Variants in UNC79 observed in about 807,000 individuals in gnomAD.
The protein encoded by UNC79 is protein unc-79 homolog.
A neutral mutation model predicts 283.1 loss-of-function variants in UNC79; 37 were observed. The observed-to-expected ratio is 0.13, with a 90% CI of 0.10 to 0.17. The LOEUF (loss-of-function observed/expected upper bound fraction) is 0.17, where lower values mean the gene tolerates loss of function less well. UNC79 is among the 10% of genes least tolerant of loss of function. The pLI, the probability that UNC79 is intolerant of heterozygous loss-of-function variation, is 1.00. For missense variants in UNC79, 2,272 were observed against 3,211.1 expected, an observed-to-expected ratio of 0.71 and a Z score of 7.07; for synonymous variants, 1,107 against 1,200.2, an observed-to-expected ratio of 0.92 and a Z score of 1.61.
At chr14:93,540,637 G>C in intron 12 of UNC79, 23 bp from the exon 13 acceptor site, 1 of 1,606,652 alleles carries the variant, frequency 6.2e-7, no homozygotes, top group Non-Finnish European at 8.5e-7. Context: ...AGTCTAACTT[G>C]AAATCACACT....
chr14:93,683,351 A>G (rs1340651556), intron 42 of UNC79, among the ~76,000 whole-genome samples: 1 of 152,196 alleles, frequency 6.6e-6, no homozygotes, highest in African/African-American at 2.4e-5. Flanking sequence ...GGTTGGGGAA[A>G]GGGAAGAGAA....
intron 22 of UNC79, among the ~76,000 whole-genome samples, chr14:93,592,687 A>G (rs1435305889): frequency 1.3e-5 from 2 of 152,222 alleles, no homozygotes; most frequent in Non-Finnish European, 2.9e-5. Flanking sequence ...AGAAAACAAA[A>G]CAAAACAAAA....
At chr14:93,605,253 T>G (rs938013949) in intron 26 of UNC79, among the ~76,000 whole-genome samples, 2 of 152,256 alleles carry the variant, frequency 1.3e-5, no homozygotes, top group Non-Finnish European at 2.9e-5. Flanking sequence ...ATCCATAGTA[T>G]TTATATTTGT....
intron 1 of UNC79, among the ~76,000 whole-genome samples, chr14:93,355,345 C>G (rs59458879): frequency 6.6e-6 from 1 of 152,180 alleles, no homozygotes; most frequent in African/African-American, 2.4e-5. Context: ...ATTATAGGTG[C>G]CTGCCACCAT....
At chr14:93,552,417 A>T (rs2061946444) in intron 14 of UNC79, among the ~76,000 whole-genome samples, 1 of 152,208 alleles carries the variant, frequency 6.6e-6, no homozygotes, top group Admixed American at 6.5e-5. Context: ...GCCTTAGGAA[A>T]AAGGTAGTAG....
At chr14:93,533,192 G>T (rs1375247007) in intron 11 of UNC79, among the ~76,000 whole-genome samples, 2 of 152,158 alleles carry the variant, frequency 1.3e-5, no homozygotes, top group African/African-American at 4.8e-5. Flanking sequence ...AGTTGGTTGA[G>T]ATTCTTGGAC....
rs2068577829 is a variant in UNC79, at chr14:93,637,162, T to C, written c.5717-54T>C. ...ATGATTGGTTAAATTCTTTGTGTTC[T>C]AAATGGTGCTAAGATGACCACATCA... On this transcript the variant is annotated intron_variant, in intron 31 of 48. Coordinates refer to ENST00000555664, the Ensembl canonical transcript of UNC79. The C allele has an allele frequency of 4.5e-6, 4 of 894,434 alleles. No homozygotes were observed. In the Admixed American group the frequency reaches 6.8e-5, roughly 15 times the overall value. The allele number at this position is 894,434 out of a possible 1,614,324, so 55.4% of individuals were successfully genotyped here.
rs2073070276 is a variant in UNC79, at chr14:93,673,540, G to A, written c.6741+85G>A. ...AAGGGAGGTGTAGAGTGTATGCATA[G>A]AACTAAATATCTTTGCTTAGAGATG... On this transcript the variant is annotated intron_variant, in intron 41 of 48. Transcript: ENST00000555664. 3.8e-6 allele frequency: 4 copies of A among 1,043,314 alleles called. No individual in the cohort carries two copies. In the South Asian group the frequency reaches 6.2e-5, roughly 16 times the overall value. 64.6% of individuals were successfully genotyped at this position (1,043,314 alleles called of 1,614,324 possible).
At chr14:93,381,561 G>C (rs1328976559) in intron 1 of UNC79, among the ~76,000 whole-genome samples, 1 of 152,216 alleles carries the variant, frequency 6.6e-6, no homozygotes, top group Non-Finnish European at 1.5e-5. Context: ...TGGTAGGCCA[G>C]ATGAGGGCTT....
chr14:93,420,869 A>G (rs1319481145), intron 1 of UNC79, among the ~76,000 whole-genome samples: 2 of 151,782 alleles, frequency 1.3e-5, no homozygotes, highest in East Asian at 1.9e-4. Context: ...GAGTCAATAA[A>G]GATGTTAAGA....
chr14:93,565,939 G>A (rs2062850678), intron 14 of UNC79, among the ~76,000 whole-genome samples: 1 of 152,112 alleles, frequency 6.6e-6, no homozygotes, highest in Admixed American at 6.5e-5. Flanking sequence ...AGCTGATGAA[G>A]TTAGTGAAAA....
At chr14:93,408,565 GC>G (rs1368679610) in intron 1 of UNC79, among the ~76,000 whole-genome samples, 1 of 152,118 alleles carries the variant, frequency 6.6e-6, no homozygotes, top group Non-Finnish European at 1.5e-5. Context: ...GGTGGTGCAC[GC>G]CTGTGGTCCC....
rs937032245 is a variant in UNC79, at chr14:93,534,970, A to G, written c.1122+2392A>G. Among the ~76,000 whole-genome samples the G allele has an allele frequency of 4.6e-5, 7 of 152,328 alleles. No homozygotes were observed. The South Asian group carries it at 1.5e-3, about 32-fold the overall frequency. On this transcript the variant is annotated intron_variant, in intron 11 of 48. Transcript: ENST00000555664. ...AGAATTGTATGAGCTTGCCCTGGGT[A>G]GTTTGTATTCTACCTCTTTGTACTG...
chr14:93,560,189 G>A (rs143600793), intron 14 of UNC79, among the ~76,000 whole-genome samples: 4,232 of 152,236 alleles, frequency 0.028, 214 homozygotes, highest in African/African-American at 0.097. Flanking sequence ...GAATTGGGAG[G>A]ACCCAGGACA....
intron 1 of UNC79, among the ~76,000 whole-genome samples, chr14:93,452,491 C>T (rs1285636087): frequency 2.0e-5 from 3 of 150,810 alleles, no homozygotes; most frequent in Non-Finnish European, 2.9e-5. Context: ...CAGGTTCAAG[C>T]GATTCTCCTT....
chr14:93,346,942 G>A (rs1426169573), intron 1 of UNC79, among the ~76,000 whole-genome samples: 1 of 151,728 alleles, frequency 6.6e-6, no homozygotes, highest in African/African-American at 2.4e-5. Context: ...AGAGCAGGGG[G>A]TACTGAACTG....
At chr14:93,673,981 T>C (rs1227318608) in intron 41 of UNC79, among the ~76,000 whole-genome samples, 1 of 152,170 alleles carries the variant, frequency 6.6e-6, no homozygotes, top group Non-Finnish European at 1.5e-5. Context: ...CCACTGAAGC[T>C]GAGGACCACT....
At chr14:93,703,873 G>A (rs1364565178) in intron 47 of UNC79, among the ~76,000 whole-genome samples, 1 of 152,196 alleles carries the variant, frequency 6.6e-6, no homozygotes, top group African/African-American at 2.4e-5. Context: ...GCCATATTCT[G>A]TCTCCGACTT....
intron 25 of UNC79, 64 bp from the exon 26 acceptor site, chr14:93,603,175 A>ATTACAAT: frequency 6.4e-7 from 1 of 1,557,988 alleles, no homozygotes; most frequent in Non-Finnish European, 8.7e-7. Flanking sequence ...ATTGTTTTAG[A>ATTACAAT]CTAGGTGGAT....
Sources: allele counts gnomAD v4.1 joint callset (sites outside exome capture counted in the v4.1 genomes callset), GRCh38; gene constraint gnomAD v4.1.1; transcripts MANE v1.5; gene names NCBI Gene and HGNC (gene_info 2026-07-23, HGNC 2026-07-21).